Variants in PPM1D observed in about 807,000 individuals in gnomAD.
The protein encoded by PPM1D is protein phosphatase 1D.
In PPM1D, 52 loss-of-function variants were observed where a neutral mutation model predicts 58.3. That is an observed-to-expected ratio of 0.89 (90% CI 0.71 to 1.12). The LOEUF is 1.12. Ranked by LOEUF, PPM1D falls within the 50% of genes most tolerant of loss-of-function variation. The pLI is 0.00. For synonymous variants in PPM1D, 278 were observed against 285.1 expected (o/e 0.98, Z 0.25); for missense variants, 564 against 777.2 (o/e 0.73, Z 3.26).
At chr17:60,637,104 G>C (rs765341959) in intron 3 of PPM1D, among the ~76,000 whole-genome samples, 30 of 152,010 alleles carry the variant, frequency 2.0e-4, no homozygotes, top group Non-Finnish European at 3.1e-4. Flanking sequence ...AAGTAGCTGG[G>C]ATTATAGGCG....
At chr17:60,638,813 G>GT (rs1169041966) in intron 3 of PPM1D, among the ~76,000 whole-genome samples, 2 of 151,922 alleles carry the variant, frequency 1.3e-5, no homozygotes, top group Admixed American at 6.6e-5. Flanking sequence ...TTTCTTATAG[G>GT]TTTTTTTGGG....
intron 2 of PPM1D, among the ~76,000 whole-genome samples, chr17:60,626,547 A>G (rs1018417145): frequency 1.1e-4 from 16 of 151,844 alleles, no homozygotes; most frequent in African/African-American, 3.9e-4. Flanking sequence ...GGCGCCTGCC[A>G]CCACGCCCGG....
chr17:60,647,318 A>G (rs953929021), intron 3 of PPM1D, among the ~76,000 whole-genome samples: 1 of 152,172 alleles, frequency 6.6e-6, no homozygotes, highest in African/African-American at 2.4e-5. Context: ...AGTTGTTCCT[A>G]AGTTCCTTAC....
In PPM1D at chr17:60,633,087, A is replaced by G. The variant is rs921546449; in HGVS notation, c.702-766A>G. Among the ~76,000 whole-genome samples, 6 of 152,064 alleles carry G rather than the reference A, an allele frequency of 3.9e-5. No homozygotes were observed. In the East Asian group the frequency reaches 9.6e-4, roughly 24 times the overall value. On this transcript the variant is annotated intron_variant, in intron 2 of 5. Transcript: ENST00000305921. Reference sequence around the variant, plus strand: ...GATCACTTGAGGTTGGGAGTTCAAGACCAGCCTGGCCAACATGCTGAAACC... The same window carrying G: ...GATCACTTGAGGTTGGGAGTTCAAGGCCAGCCTGGCCAACATGCTGAAACC...
chr17:60,664,665 A>T lies in PPM1D; in HGVS notation c.*1113A>T, dbSNP rs1286584409. 3 of 152,248 alleles carry T rather than the reference A, an allele frequency of 2.0e-5. No individual in the cohort carries two copies. Among genetic ancestry groups the T allele is most frequent in the Admixed American group, 1.3e-4 (2 of 15,288 alleles). 9.4% of individuals were successfully genotyped at this position (152,248 alleles called of 1,614,324 possible). A position where few individuals can be genotyped will look rare whatever the true frequency, so the allele number is the denominator to read the frequency against. On this transcript the variant is annotated 3_prime_UTR_variant, in exon 6 of 6. Coordinates refer to ENST00000305921, the MANE Select transcript of PPM1D (RefSeq NM_003620.4). ...GCTCTAATGAGCATTTCCTTTGAGC[A>T]TCATGCCTGCTCTGAAAAAGTTTCT...
chr17:60,654,817 G>A (rs192451506), intron 4 of PPM1D, among the ~76,000 whole-genome samples: 14 of 150,190 alleles, frequency 9.3e-5, no homozygotes, highest in East Asian at 2.0e-4. Flanking sequence ...GCAGTGAGCC[G>A]AGGTCTTGCC....
At position 60,663,368 on chromosome 17, in the gene PPM1D, C is replaced by T. The variant is rs2143733114; in HGVS notation, c.1634C>T (p.Pro545Leu). The T allele has an allele frequency of 6.2e-7, 1 of 1,614,126 alleles. No individual in the cohort carries two copies. The highest frequency in any genetic ancestry group is 2.2e-5 in the East Asian group (1 of 44,882). The change falls in exon 6 of 6, where the codon CCC becomes CTC. Residue 545 changes from proline to leucine, a missense_variant. This residue lies in a region of PPM1D where 261 missense variants were observed against 270.1 expected (regional missense o/e 0.97). Coordinates refer to ENST00000305921, the MANE Select transcript of PPM1D (RefSeq NM_003620.4). ...ACATTAGAAGAGTCCAATTCTGGCC[C>T]CCTGATGAAGAAGCATAGACGAAAT... ...KRTLEESNSG[P>L]LMKKHRRNGL...
chr17:60,655,372 G>A (rs145241687), intron 4 of PPM1D, among the ~76,000 whole-genome samples: 49 of 152,198 alleles, frequency 3.2e-4, no homozygotes, highest in Non-Finnish European at 6.9e-4. Flanking sequence ...GTTTTGAGAC[G>A]GAGTCTCGCT....
At chr17:60,653,993 C>T (rs1201979884) in intron 4 of PPM1D, among the ~76,000 whole-genome samples, 1 of 152,024 alleles carries the variant, frequency 6.6e-6, no homozygotes, top group Non-Finnish European at 1.5e-5. Flanking sequence ...TTGACTTATT[C>T]GTTTCCAGTT....
At chr17:60,616,147 G>A in intron 1 of PPM1D, among the ~76,000 whole-genome samples, 1 of 152,082 alleles carries the variant, frequency 6.6e-6, no homozygotes, top group Admixed American at 6.6e-5. Context: ...GGGGTTATGG[G>A]TGTGGTGGCA....
At chr17:60,601,237 C>T (rs989700558) in intron 1 of PPM1D, among the ~76,000 whole-genome samples, 2 of 152,134 alleles carry the variant, frequency 1.3e-5, no homozygotes, top group African/African-American at 2.4e-5. Flanking sequence ...CGATGTTGCA[C>T]CTGGGCCAGG....
intron 1 of PPM1D, among the ~76,000 whole-genome samples, chr17:60,613,575 G>T (rs1424381200): frequency 6.6e-6 from 1 of 152,240 alleles, no homozygotes; most frequent in African/African-American, 2.4e-5. Context: ...GCTGGCCGAG[G>T]CCGGAGCCGG....
At chr17:60,651,914 A>T (rs1041548148) in intron 4 of PPM1D, among the ~76,000 whole-genome samples, 1 of 152,222 alleles carries the variant, frequency 6.6e-6, no homozygotes, top group African/African-American at 2.4e-5. Context: ...CCAGAAGGGC[A>T]GTCTTTTAAG....
intron 1 of PPM1D, among the ~76,000 whole-genome samples, chr17:60,623,208 CTT>C (rs2030741461): frequency 6.6e-6 from 1 of 152,154 alleles, no homozygotes; most frequent in South Asian, 2.1e-4. Context: ...AAAAAAACCT[CTT>C]AACACATTCT....
intron 2 of PPM1D, among the ~76,000 whole-genome samples, chr17:60,631,270 C>T (rs1243366300): frequency 2.0e-5 from 3 of 152,006 alleles, no homozygotes; most frequent in Admixed American, 6.6e-5. Flanking sequence ...TGGTGAGCCA[C>T]GATCACACCA....
chr17:60,617,474 C>T (rs1452099838), intron 1 of PPM1D, among the ~76,000 whole-genome samples: 1 of 150,534 alleles, frequency 6.6e-6, no homozygotes, highest in Admixed American at 6.7e-5. Context: ...CCCAGGAGGT[C>T]AAGGTTGTAG....
intron 1 of PPM1D, among the ~76,000 whole-genome samples, chr17:60,613,911 C>T (rs374639298): frequency 2.0e-5 from 3 of 149,432 alleles, no homozygotes; most frequent in East Asian, 2.0e-4. Context: ...GCCACCCCCC[C>T]GCCTCACACA....
intron 5 of PPM1D, among the ~76,000 whole-genome samples, chr17:60,658,012 A>G (rs2031469891): frequency 6.6e-6 from 1 of 152,206 alleles, no homozygotes; most frequent in South Asian, 2.1e-4. Flanking sequence ...AAGTGCTGGT[A>G]TTATAGGCCT....
intron 5 of PPM1D, 178 bp downstream of exon 5, chr17:60,657,019 C>A: frequency 6.5e-7 from 1 of 1,533,348 alleles, no homozygotes; most frequent in Non-Finnish European, 8.7e-7. Context: ...GAATGCCAGC[C>A]ATGTGTACAG....
Sources: allele counts gnomAD v4.1 joint callset (sites outside exome capture counted in the v4.1 genomes callset), GRCh38; gene constraint gnomAD v4.1.1; regional missense constraint gnomAD v4.1.1; transcripts MANE v1.5; gene names NCBI Gene and HGNC (gene_info 2026-07-23, HGNC 2026-07-21).